TEX36: variants seen among roughly 807,000 people sequenced by gnomAD.
TEX36 encodes the protein testis-expressed protein 36.
A neutral mutation model predicts 13.6 loss-of-function variants in TEX36; 12 were observed. That is an observed-to-expected ratio of 0.88 (90% confidence interval 0.56 to 1.43). The LOEUF is 1.43. TEX36 is among the 40% of genes most tolerant of loss of function. The pLI is 0.00. For synonymous variants in TEX36, 93 were observed against 83.0 expected, an observed-to-expected ratio of 1.12 and a Z score of -0.65; for missense variants, 224 against 228.3, an observed-to-expected ratio of 0.98 and a Z score of 0.12.
chr10:125,629,078 T>A (rs1318755522), intron 3 of TEX36, among the ~76,000 whole-genome samples: 3 of 152,180 alleles, frequency 2.0e-5, no homozygotes, highest in African/African-American at 7.2e-5. Flanking sequence ...GGCCTCTCTG[T>A]AGTTCGGAAT....
chr10:125,656,622 C>T (rs1279455528), intron 3 of TEX36, among the ~76,000 whole-genome samples: 1 of 151,844 alleles, frequency 6.6e-6, no homozygotes, highest in African/African-American at 2.4e-5. Context: ...TTCAAATGCA[C>T]ACTATGACGA....
chr10:125,581,846 A>G (rs536895782), intron 3 of TEX36, among the ~76,000 whole-genome samples: 11 of 152,342 alleles, frequency 7.2e-5, no homozygotes, highest in Non-Finnish European at 1.6e-4. Context: ...ATTGAGGCCC[A>G]GATGCCATGA....
At chr10:125,641,395 C>T (rs1846690085) in intron 3 of TEX36, among the ~76,000 whole-genome samples, 1 of 152,204 alleles carries the variant, frequency 6.6e-6, no homozygotes, top group Admixed American at 6.5e-5. Context: ...CCCTTCTAAC[C>T]ATCATGTCTG....
chr10:125,605,385 T>C (rs1027534099), intron 3 of TEX36, among the ~76,000 whole-genome samples: 2 of 151,966 alleles, frequency 1.3e-5, no homozygotes, highest in Non-Finnish European at 2.9e-5. Flanking sequence ...AGTGCAGCAA[T>C]GTGGTCAGTT....
intron 1 of TEX36, among the ~76,000 whole-genome samples, chr10:125,664,870 C>G (rs1847099320): frequency 6.6e-6 from 1 of 152,176 alleles, no homozygotes. Flanking sequence ...ATATCCTCAC[C>G]AGCATTTGTG....
At chr10:125,652,576 G>A (rs570296780), downstream of TEX36, among the ~76,000 whole-genome samples, 1 of 152,300 alleles carries the variant, frequency 6.6e-6, no homozygotes, top group Non-Finnish European at 1.5e-5. Flanking sequence ...ATAGGCATGG[G>A]CAAGGACTTC....
chr10:125,653,270 A>C (rs1385015103), downstream of TEX36, among the ~76,000 whole-genome samples: 28 of 149,464 alleles, frequency 1.9e-4, no homozygotes, highest in African/African-American at 3.4e-4. Context: ...GGATTAAGAA[A>C]ATGTGGCACA....
chr10:125,597,012 G>T (rs1301798486), intron 3 of TEX36, among the ~76,000 whole-genome samples: 1 of 152,186 alleles, frequency 6.6e-6, no homozygotes, highest in East Asian at 1.9e-4. Flanking sequence ...TTGCAACATT[G>T]CTAGAACAGC....
chr10:125,594,176 A>C (rs531453620), intron 3 of TEX36, among the ~76,000 whole-genome samples: 1 of 152,324 alleles, frequency 6.6e-6, no homozygotes, highest in Admixed American at 6.5e-5. Context: ...GAAGAACTTA[A>C]ATTTTAAACT....
At chr10:125,664,343 T>G (rs1474453653) in intron 1 of TEX36, among the ~76,000 whole-genome samples, 1 of 152,230 alleles carries the variant, frequency 6.6e-6, no homozygotes, top group Non-Finnish European at 1.5e-5. Context: ...TCCTTTCTTT[T>G]GGGTATATAC....
chr10:125,661,024 G>A lies in TEX36; in HGVS notation c.261C>T (p.Asp87=). 2 of 1,550,900 alleles carry A rather than the reference G, an allele frequency of 1.3e-6. No homozygotes were observed. Among genetic ancestry groups the A allele is most frequent in the Non-Finnish European group, 1.7e-6 (2 of 1,146,098 alleles). The change falls in exon 3 of 4, where the codon GAC becomes GAT. Residue 87 remains aspartate, a synonymous_variant. Coordinates refer to ENST00000368821, the MANE Select transcript of TEX36 (RefSeq NM_001128202.3). ...HSLENSGCYL[D]SGLGRKKISP... ...TAATTTGGAAAGAAATACTCACGGA[G>A]TCAAGGTAGCATCCAGAGTTCTCCA...
chr10:125,608,531 GA>G (rs1340188943), intron 3 of TEX36, among the ~76,000 whole-genome samples: 1 of 152,174 alleles, frequency 6.6e-6, no homozygotes, highest in Non-Finnish European at 1.5e-5. Flanking sequence ...CCATAAGCTG[GA>G]AATGACCAAG....
chr10:125,586,561 G>A (rs1845951730), intron 3 of TEX36, among the ~76,000 whole-genome samples: 1 of 150,762 alleles, frequency 6.6e-6, no homozygotes, highest in African/African-American at 2.4e-5. Flanking sequence ...AGGTCAAGGT[G>A]GGCAGATCGC....
intron 3 of TEX36, among the ~76,000 whole-genome samples, chr10:125,603,320 A>G (rs540838523): frequency 3.3e-5 from 5 of 152,154 alleles, no homozygotes; most frequent in Non-Finnish European, 7.4e-5. Flanking sequence ...CTGCACCAGA[A>G]ACCTGGCGGG....
chr10:125,664,934 T>C (rs1847100227), intron 1 of TEX36, among the ~76,000 whole-genome samples: 1 of 152,222 alleles, frequency 6.6e-6, no homozygotes, highest in Non-Finnish European at 1.5e-5. Flanking sequence ...TGATATCTCA[T>C]TGTAGCTTGG....
At chr10:125,615,212 A>G (rs1190172137) in intron 3 of TEX36, among the ~76,000 whole-genome samples, 3,469 of 152,066 alleles carry the variant, frequency 0.023, 116 homozygotes, top group African/African-American at 0.079. Flanking sequence ...TAGATATACA[A>G]TCATGTCATC....
chr10:125,594,392 C>T (rs929094761), intron 3 of TEX36, among the ~76,000 whole-genome samples: 1 of 152,100 alleles, frequency 6.6e-6, no homozygotes, highest in Non-Finnish European at 1.5e-5. Context: ...TTAAAAGAGA[C>T]AACTGGGATC....
chr10:125,658,769 T>C lies in TEX36; in HGVS notation c.264+2252A>G, dbSNP rs971972200. 1.6e-4 allele frequency among the ~76,000 whole-genome samples: 25 copies of C among 152,196 alleles called. 1 individual carries two copies. Among genetic ancestry groups the C allele is most frequent in the African/African-American group, 5.3e-4 (22 of 41,574 alleles). On this transcript the variant is annotated intron_variant, in intron 3 of 3. Transcript: ENST00000368821. ...AGATAATTCAAAACATTCTTCCAAT[T>C]TTTTTAGGAAAGGGAAAAATTAAAA...
At chr10:125,628,524 C>G (rs1327180534) in intron 3 of TEX36, among the ~76,000 whole-genome samples, 1 of 152,174 alleles carries the variant, frequency 6.6e-6, no homozygotes, top group East Asian at 1.9e-4. Context: ...TAACACTGAC[C>G]AGGAAAGGCT....
Sources: allele counts gnomAD v4.1 joint callset (sites outside exome capture counted in the v4.1 genomes callset), GRCh38; gene constraint gnomAD v4.1.1; transcripts MANE v1.5; gene names NCBI Gene and HGNC (gene_info 2026-07-23, HGNC 2026-07-21).